Variants in DPP6 observed in about 807,000 individuals in gnomAD.
DPP6 encodes the protein A-type potassium channel modulatory protein DPP6.
Under a neutral mutation model 122.6 loss-of-function variants are expected in DPP6, and 69 were observed. That is an observed-to-expected ratio of 0.56 (90% CI 0.46 to 0.69). The LOEUF is 0.69. DPP6 is among the 30% of genes least tolerant of loss of function. The pLI is 0.00. For missense variants in DPP6, 928 were observed against 1,116.9 expected, an observed-to-expected ratio of 0.83 and a Z score of 2.41; for synonymous variants, 418 against 433.1, an observed-to-expected ratio of 0.97 and a Z score of 0.43.
intron 3 of DPP6, among the ~76,000 whole-genome samples, chr7:154,523,682 A>G (rs1270982162): frequency 6.6e-6 from 1 of 152,068 alleles, no homozygotes; most frequent in Non-Finnish European, 1.5e-5. Context: ...GATATATGCT[A>G]TTTCACAATA....
chr7:154,602,337 T>C (rs73485713), intron 5 of DPP6, among the ~76,000 whole-genome samples: 6,356 of 121,386 alleles, frequency 0.052, 1,458 homozygotes, highest in African/African-American at 0.16. Flanking sequence ...CCATAATACA[T>C]TGTTATTATT....
chr7:154,645,846 G>A (rs1836431888), intron 6 of DPP6, among the ~76,000 whole-genome samples: 2 of 151,852 alleles, frequency 1.3e-5, no homozygotes, highest in Admixed American at 1.3e-4. Context: ...GGCTAACACG[G>A]TGAAACCCTG....
the DPP6 span, among the ~76,000 whole-genome samples, chr7:153,830,768 G>A: frequency 8.0e-4 from 121 of 152,200 alleles, no homozygotes; most frequent in Non-Finnish European, 1.1e-3. Context: ...AAACAGAATC[G>A]CACCAGGGAT....
intron 1 of DPP6, among the ~76,000 whole-genome samples, chr7:154,073,037 G>A (rs971187414): frequency 1.5e-4 from 23 of 152,296 alleles, no homozygotes; most frequent in Non-Finnish European, 2.6e-4. Context: ...CCTGCTCCCC[G>A]TTTTGCTGCC....
chr7:154,820,271 G>T (rs1336561775), intron 16 of DPP6, among the ~76,000 whole-genome samples: 1 of 152,180 alleles, frequency 6.6e-6, no homozygotes, highest in South Asian at 2.1e-4. Context: ...GCATTTTAAA[G>T]ATCTTGTCCA....
At chr7:153,770,968 G>A in the DPP6 span, among the ~76,000 whole-genome samples, 1 of 152,132 alleles carries the variant, frequency 6.6e-6, no homozygotes, top group East Asian at 1.9e-4. Flanking sequence ...ATGAGTTATG[G>A]TACAATGTAA....
intron 1 of DPP6, among the ~76,000 whole-genome samples, chr7:154,285,729 G>A (rs891070641): frequency 6.6e-6 from 1 of 152,196 alleles, no homozygotes; most frequent in South Asian, 2.1e-4. Flanking sequence ...CTGAGAAAAG[G>A]TATTGATATC....
intron 25 of DPP6, among the ~76,000 whole-genome samples, chr7:154,892,014 A>T (rs1806653157): frequency 1.3e-5 from 2 of 152,206 alleles, no homozygotes; most frequent in South Asian, 4.1e-4. Flanking sequence ...GTTTTCACCC[A>T]GTTCCCACTG....
intron 10 of DPP6, among the ~76,000 whole-genome samples, chr7:154,787,448 T>C (rs974770374): frequency 6.6e-6 from 1 of 152,222 alleles, no homozygotes; most frequent in African/African-American, 2.4e-5. Context: ...GCATTAAAGG[T>C]GCCTGTCCAC....
chr7:154,661,847 T>C (rs1440461094), intron 6 of DPP6, among the ~76,000 whole-genome samples: 1 of 148,212 alleles, frequency 6.7e-6, no homozygotes, highest in Non-Finnish European at 1.5e-5. Flanking sequence ...CACCATGGCA[T>C]ATTGGCCATA....
intron 2 of DPP6, among the ~76,000 whole-genome samples, chr7:154,456,504 G>A (rs1052222062): frequency 7.9e-5 from 12 of 152,034 alleles, no homozygotes; most frequent in African/African-American, 2.7e-4. Flanking sequence ...GCCTTCTAAA[G>A]TGGTGGGTTG....
chr7:154,886,886 A>G (rs1448124252), intron 22 of DPP6, among the ~76,000 whole-genome samples: 1 of 152,250 alleles, frequency 6.6e-6, no homozygotes, highest in Non-Finnish European at 1.5e-5. Flanking sequence ...ACTCCAGTGC[A>G]AATTTTAACT....
chr7:154,018,396 T>A (rs1302230211), intron 1 of DPP6, among the ~76,000 whole-genome samples: 1 of 152,122 alleles, frequency 6.6e-6, no homozygotes, highest in East Asian at 1.9e-4. Flanking sequence ...GGAGACCATT[T>A]TTTGCCCATT....
chr7:154,459,805 C>CAAAAAAAAAA (rs775605275), intron 2 of DPP6, among the ~76,000 whole-genome samples: 18 of 63,024 alleles, frequency 2.9e-4, no homozygotes, highest in Middle Eastern at 0.011. Context: ...GATTCCATCT[C>CAAAAAAAAAA]AAAAAAAAAA....
At chr7:154,756,823 G>A (rs577804727) in intron 8 of DPP6, among the ~76,000 whole-genome samples, 41 of 152,102 alleles carry the variant, frequency 2.7e-4, no homozygotes, top group Non-Finnish European at 5.2e-4. Flanking sequence ...AAATGAAGGC[G>A]CATTAGGCCC....
rs746381906 is a variant in DPP6, at chr7:154,093,632, C to CACACACACA, written c.243+40569_243+40570insACACACACA. ...CACCATACACACACACACACACACA[C>CACACACACA]CATACACACACACACACACACACAT... On this transcript the variant is annotated intron_variant, in intron 1 of 25. Coordinates refer to ENST00000377770, the MANE Select transcript of DPP6 (RefSeq NM_130797.4). 301 of 128,196 alleles carry CACACACACA rather than the reference C, an allele frequency of 2.3e-3. 3 individuals carry two copies. Among genetic ancestry groups the CACACACACA allele is most frequent in the African/African-American group, 8.5e-3 (296 of 34,828 alleles). The allele number at this position is 128,196 out of a possible 1,614,324, so 7.9% of individuals were successfully genotyped here.
intron 5 of DPP6, among the ~76,000 whole-genome samples, chr7:154,580,773 T>C (rs1832011434): frequency 6.6e-6 from 1 of 152,008 alleles, no homozygotes; most frequent in African/African-American, 2.4e-5. Context: ...GGGAGAACCT[T>C]CCCGGTGCGA....
At chr7:154,341,454 G>A (rs757087266) in intron 1 of DPP6, among the ~76,000 whole-genome samples, 1 of 151,932 alleles carries the variant, frequency 6.6e-6, no homozygotes, top group Non-Finnish European at 1.5e-5. Flanking sequence ...CTCTGTAGTC[G>A]CAGATCTGAT....
At chr7:154,281,092 A>G (rs1804479136) in intron 1 of DPP6, among the ~76,000 whole-genome samples, 1 of 151,630 alleles carries the variant, frequency 6.6e-6, no homozygotes, top group Admixed American at 6.6e-5. Flanking sequence ...GGCTCACTGC[A>G]ACCTCCGCCT....
Sources: gnomAD v4.1 joint callset for allele counts (sites outside exome capture counted in the v4.1 genomes callset) on GRCh38, gnomAD v4.1.1 for gene constraint, MANE v1.5 for transcripts, NCBI Gene and HGNC (gene_info 2026-07-23, HGNC 2026-07-21) for gene names.